Variants in TASP1 observed in about 807,000 individuals in gnomAD.
TASP1 encodes threonine aspartase 1.
In TASP1, 16 loss-of-function variants were observed where a neutral mutation model predicts 56.6. That is an observed-to-expected ratio of 0.28 (90% CI 0.19 to 0.43). The LOEUF is 0.43. Ranked by LOEUF, TASP1 falls within the 20% of genes least tolerant of loss-of-function variation. The pLI is 1.00. For missense variants in TASP1, 393 were observed against 511.6 expected, an observed-to-expected ratio of 0.77 and a Z score of 2.24; for synonymous variants, 179 against 184.2, an observed-to-expected ratio of 0.97 and a Z score of 0.23.
At position 13,429,634 on chromosome 20, in the gene TASP1, GTCTGTC is replaced by G. The variant is rs1568788340; in HGVS notation, c.1096+5404_1096+5409del. On this transcript the variant is annotated intron_variant, in intron 12 of 13. Transcript: ENST00000337743. ...TGTGTGAGTGTGTGTGTGTGTGTGT[GTCTGTC>G]TGTGTGTGTGCCTGTCTGTGTGTGT... 4.1e-3 allele frequency among the ~76,000 whole-genome samples: 622 copies of G among 151,552 alleles called. 4 individuals are homozygous for G. Among genetic ancestry groups the G allele is most frequent in the African/African-American group, 0.014 (584 of 41,180 alleles).
In TASP1 at chr20:13,581,111, A is replaced by G. The variant is rs577964728; in HGVS notation, c.404-130T>C. The G allele has an allele frequency of 4.1e-6, 3 of 723,322 alleles. No individual in the cohort carries two copies. In the South Asian group the frequency reaches 6.1e-5, roughly 15 times the overall value. The allele number at this position is 723,322 out of a possible 1,614,324, so 44.8% of individuals were successfully genotyped here. A position where few individuals can be genotyped will look rare whatever the true frequency, so the allele number is the denominator to read the frequency against. On this transcript the variant is annotated intron_variant, in intron 5 of 13. Coordinates refer to ENST00000337743, the MANE Select transcript of TASP1 (RefSeq NM_017714.3). ...GAAATTCTTTTTCGATATATCAAATAATACTAATGAAAACCCTTAATAACC... is the reference window on the plus strand; with the variant it reads ...GAAATTCTTTTTCGATATATCAAATGATACTAATGAAAACCCTTAATAACC...
the TASP1 span, among the ~76,000 whole-genome samples, chr20:13,326,809 A>T: frequency 2.6e-5 from 4 of 152,174 alleles, no homozygotes; most frequent in Non-Finnish European, 4.4e-5. Flanking sequence ...GCTGAAACAT[A>T]CCTCAAAATA....
the TASP1 span, among the ~76,000 whole-genome samples, chr20:13,129,457 G>GA: frequency 1.4e-4 from 21 of 152,310 alleles, no homozygotes; most frequent in African/African-American, 4.8e-4. Flanking sequence ...TTTCTTAATG[G>GA]AAAATCAATT....
At chr20:13,155,657 T>C in the TASP1 span, among the ~76,000 whole-genome samples, 6 of 151,920 alleles carry the variant, frequency 3.9e-5, no homozygotes, top group Non-Finnish European at 5.9e-5. Context: ...AAACCCCGTG[T>C]CTACAAAAAA....
At chr20:13,566,711 C>A (rs775760098) in intron 7 of TASP1, among the ~76,000 whole-genome samples, 1 of 152,074 alleles carries the variant, frequency 6.6e-6, no homozygotes, top group Non-Finnish European at 1.5e-5. Flanking sequence ...TAGAGAACTG[C>A]AAATCAAAAC....
At chr20:13,530,149 A>G (rs1465912992) in intron 9 of TASP1, among the ~76,000 whole-genome samples, 3 of 152,164 alleles carry the variant, frequency 2.0e-5, no homozygotes, top group Non-Finnish European at 4.4e-5. Flanking sequence ...CCACTCTCTC[A>G]TAATTACCCT....
chr20:13,607,541 A>T (rs2048201455), intron 4 of TASP1, among the ~76,000 whole-genome samples: 1 of 152,216 alleles, frequency 6.6e-6, no homozygotes, highest in African/African-American at 2.4e-5. Flanking sequence ...AGACTGGCAC[A>T]TTATAAAATC....
the TASP1 span, among the ~76,000 whole-genome samples, chr20:13,313,713 TC>T: frequency 1.3e-5 from 2 of 152,200 alleles, no homozygotes; most frequent in Non-Finnish European, 2.9e-5. Flanking sequence ...ATATATCATG[TC>T]CAGCTATCAA....
chr20:13,221,731 G>C, the TASP1 span: 3 of 1,342,018 alleles, frequency 2.2e-6, no homozygotes, highest in Non-Finnish European at 2.9e-6. Flanking sequence ...CACCGCCGCC[G>C]CCGCCGGCCG....
chr20:13,478,783 A>T (rs932731888), intron 11 of TASP1, among the ~76,000 whole-genome samples: 4 of 152,272 alleles, frequency 2.6e-5, no homozygotes, highest in East Asian at 1.9e-4. Context: ...CAACCACTAA[A>T]AAAAATAACT....
At chr20:13,590,434 C>T (rs544335556) in intron 4 of TASP1, among the ~76,000 whole-genome samples, 13 of 151,924 alleles carry the variant, frequency 8.6e-5, no homozygotes, top group Admixed American at 3.9e-4. Context: ...TAATAACAAA[C>T]GCAGAAATGA....
At chr20:13,111,054 C>A in the TASP1 span, among the ~76,000 whole-genome samples, 1 of 151,662 alleles carries the variant, frequency 6.6e-6, no homozygotes, top group Non-Finnish European at 1.5e-5. Flanking sequence ...AGAAGTGTGC[C>A]TTTATTCCTT....
At chr20:13,496,283 G>A (rs538294901) in intron 10 of TASP1, among the ~76,000 whole-genome samples, 20 of 152,248 alleles carry the variant, frequency 1.3e-4, no homozygotes, top group African/African-American at 4.6e-4. Flanking sequence ...TCAAACTCCT[G>A]ACCTCAGGTG....
chr20:13,586,001 G>C (rs550722882), intron 5 of TASP1, among the ~76,000 whole-genome samples: 2 of 151,966 alleles, frequency 1.3e-5, no homozygotes, highest in East Asian at 3.9e-4. Flanking sequence ...CAGGCACTGT[G>C]GTGGGTGCCT....
chr20:13,593,359 A>G (rs1268397859), intron 4 of TASP1, among the ~76,000 whole-genome samples: 2 of 152,130 alleles, frequency 1.3e-5, no homozygotes, highest in African/African-American at 4.8e-5. Flanking sequence ...GACTGGTTGG[A>G]CAGTGGGTGG....
At chr20:13,470,227 A>C (rs559432663) in intron 11 of TASP1, among the ~76,000 whole-genome samples, 2 of 152,196 alleles carry the variant, frequency 1.3e-5, no homozygotes, top group African/African-American at 4.8e-5. Context: ...GTCTTGTTTT[A>C]AATGAATTAT....
rs1375942795 is a variant in TASP1, at chr20:13,592,020, T to C, written c.283-4650A>G. On this transcript the variant is annotated intron_variant, in intron 4 of 13. Coordinates refer to ENST00000337743, the MANE Select transcript of TASP1 (RefSeq NM_017714.3). Reference sequence around the variant, plus strand: ...TTTTTTAAATCCTCAAAAGATAGCATAAGAAGAAGAAATAAGAACAAAGTA... The same window carrying C: ...TTTTTTAAATCCTCAAAAGATAGCACAAGAAGAAGAAATAAGAACAAAGTA... Among the ~76,000 whole-genome samples the C allele has an allele frequency of 2.6e-5, 4 of 151,932 alleles. No individual in the cohort carries two copies. The East Asian group carries it at 7.7e-4, about 29-fold the overall frequency.
chr20:13,368,844 G>A, the TASP1 span: 1 of 152,174 alleles, frequency 6.6e-6, no homozygotes, highest in Non-Finnish European at 1.5e-5. Flanking sequence ...CTCTTCTCAT[G>A]AATCAGCTGG....
chr20:13,424,261 C>T (rs1212983155), intron 12 of TASP1, among the ~76,000 whole-genome samples: 3 of 152,100 alleles, frequency 2.0e-5, no homozygotes, highest in African/African-American at 7.2e-5. Flanking sequence ...ATAATTAAAA[C>T]TCAGCAAAGA....
Sources: gnomAD v4.1 joint callset for allele counts (sites outside exome capture counted in the v4.1 genomes callset) on GRCh38, gnomAD v4.1.1 for gene constraint, MANE v1.5 for transcripts, NCBI Gene and HGNC (gene_info 2026-07-23, HGNC 2026-07-21) for gene names.